Variants in WDFY2 observed in about 807,000 individuals in gnomAD.
WDFY2 encodes the protein WD repeat and FYVE domain-containing protein 2.
A neutral mutation model predicts 56.4 loss-of-function variants in WDFY2; 36 were observed. That is an observed-to-expected ratio of 0.64 (90% CI 0.49 to 0.84). WDFY2 has a LOEUF of 0.84. WDFY2 is among the 40% of genes least tolerant of loss of function. The pLI is 0.00. For missense variants in WDFY2, 444 were observed against 512.2 expected, an observed-to-expected ratio of 0.87 and a Z score of 1.29; for synonymous variants, 176 against 183.7, an observed-to-expected ratio of 0.96 and a Z score of 0.34.
chr13:51,624,307 G>C (rs1954798932), intron 1 of WDFY2, among the ~76,000 whole-genome samples: 1 of 152,110 alleles, frequency 6.6e-6, no homozygotes, highest in South Asian at 2.1e-4. Context: ...CAAGAACTGT[G>C]GTGCTAGCTA....
At chr13:51,755,081 C>T (rs1307987298) in intron 8 of WDFY2, among the ~76,000 whole-genome samples, 1 of 152,174 alleles carries the variant, frequency 6.6e-6, no homozygotes, top group African/African-American at 2.4e-5. Context: ...GCACTCTGTG[C>T]TTCTCCCTCT....
intron 7 of WDFY2, among the ~76,000 whole-genome samples, chr13:51,747,965 CA>C (rs1281750683): frequency 6.6e-6 from 1 of 152,162 alleles, no homozygotes; most frequent in Non-Finnish European, 1.5e-5. Context: ...AAGGCAAAAC[CA>C]GAGTTGTATA....
chr13:51,695,369 G>A (rs1951845872), intron 3 of WDFY2, among the ~76,000 whole-genome samples: 4 of 152,128 alleles, frequency 2.6e-5, no homozygotes, highest in Admixed American at 1.3e-4. Context: ...TGGTGTGGAT[G>A]TCCTTTCTGT....
intron 1 of WDFY2, among the ~76,000 whole-genome samples, chr13:51,651,113 A>G (rs1593934783): frequency 2.0e-5 from 3 of 152,234 alleles, no homozygotes; most frequent in South Asian, 2.1e-4. Flanking sequence ...GTCTATTCAG[A>G]GATTCAACTT....
intron 3 of WDFY2, among the ~76,000 whole-genome samples, chr13:51,680,181 A>G (rs201346141): frequency 1.9e-4 from 29 of 152,304 alleles, no homozygotes; most frequent in East Asian, 7.7e-4. Flanking sequence ...AGCTCACTAC[A>G]GCCTCAAAGA....
At chr13:51,638,087 C>T (rs1238377415) in intron 1 of WDFY2, among the ~76,000 whole-genome samples, 7 of 152,182 alleles carry the variant, frequency 4.6e-5, no homozygotes, top group East Asian at 1.9e-4. Context: ...ATGGGGCCAG[C>T]GTTGGGCAGC....
chr13:51,650,618 C>T (rs551156698), intron 1 of WDFY2, among the ~76,000 whole-genome samples: 7 of 152,278 alleles, frequency 4.6e-5, no homozygotes, highest in African/African-American at 1.7e-4. Context: ...GAGTTTTTAG[C>T]ATGAAGTGCT....
At chr13:51,745,753 A>C (rs1001523939) in intron 7 of WDFY2, among the ~76,000 whole-genome samples, 5 of 148,852 alleles carry the variant, frequency 3.4e-5, no homozygotes, top group South Asian at 4.2e-4. Context: ...AAAAAAAAAA[A>C]AAAAAAAAAA....
chr13:51,661,527 A>T (rs1306677581), intron 2 of WDFY2, among the ~76,000 whole-genome samples: 1 of 152,190 alleles, frequency 6.6e-6, no homozygotes, highest in Non-Finnish European at 1.5e-5. Flanking sequence ...TCTTGATATA[A>T]GTATCCCAGT....
intron 4 of WDFY2, among the ~76,000 whole-genome samples, chr13:51,716,692 C>CA (rs34618973): frequency 0.3 from 16,332 of 54,728 alleles, 2,651 homozygotes; most frequent in African/African-American, 0.44. Context: ...GACTCCGTCT[C>CA]AAAAAAAAAA....
chr13:51,647,545 G>T (rs763721053), intron 1 of WDFY2, among the ~76,000 whole-genome samples: 1 of 152,038 alleles, frequency 6.6e-6, no homozygotes, highest in African/African-American at 2.4e-5. Context: ...ACTTGAGGCC[G>T]GGAGTTCCAT....
chr13:51,704,894 A>G (rs927074950), intron 4 of WDFY2, among the ~76,000 whole-genome samples: 3 of 152,200 alleles, frequency 2.0e-5, no homozygotes, highest in African/African-American at 7.2e-5. Context: ...TGTGGTAGGT[A>G]ACCTTTAAGA....
intron 11 of WDFY2, among the ~76,000 whole-genome samples, chr13:51,758,726 A>G (rs933778756): frequency 2.0e-5 from 3 of 152,166 alleles, no homozygotes; most frequent in Non-Finnish European, 4.4e-5. Flanking sequence ...AAAGACTGTA[A>G]TAGGTCACAT....
At chr13:51,609,086 A>G (rs1011274451) in intron 1 of WDFY2, among the ~76,000 whole-genome samples, 1 of 151,908 alleles carries the variant, frequency 6.6e-6, no homozygotes, top group African/African-American at 2.4e-5. Context: ...TTCCTATTCA[A>G]CTCTTTGCCT....
At chr13:51,640,632 T>G (rs1482419966) in intron 1 of WDFY2, among the ~76,000 whole-genome samples, 5 of 152,128 alleles carry the variant, frequency 3.3e-5, no homozygotes, top group Non-Finnish European at 5.9e-5. Flanking sequence ...GTAGATTACC[T>G]GAGGTCAGGA....
At chr13:51,733,004 G>C (rs1046386562) in intron 6 of WDFY2, among the ~76,000 whole-genome samples, 2 of 152,096 alleles carry the variant, frequency 1.3e-5, no homozygotes, top group African/African-American at 4.8e-5. Flanking sequence ...CTCCTCTTGC[G>C]GATAATTAAA....
At chr13:51,601,178 T>C (rs1954273915) in intron 1 of WDFY2, among the ~76,000 whole-genome samples, 1 of 152,174 alleles carries the variant, frequency 6.6e-6, no homozygotes, top group East Asian at 1.9e-4. Flanking sequence ...AAATTGCATT[T>C]TGTGATATAT....
chr13:51,710,065 A>G (rs1425703652), intron 4 of WDFY2, among the ~76,000 whole-genome samples: 1 of 152,196 alleles, frequency 6.6e-6, no homozygotes, highest in African/African-American at 2.4e-5. Context: ...CGAATCCAGC[A>G]GCATATCAAA....
chr13:51,743,414 A>G (rs947744178), intron 7 of WDFY2, among the ~76,000 whole-genome samples: 4 of 152,208 alleles, frequency 2.6e-5, no homozygotes, highest in Admixed American at 2.6e-4. Context: ...ACAAAATTGG[A>G]AGGAAAAACC....
Sources: allele counts gnomAD v4.1 joint callset (sites outside exome capture counted in the v4.1 genomes callset), GRCh38; gene constraint gnomAD v4.1.1; transcripts MANE v1.5; gene names NCBI Gene and HGNC (gene_info 2026-07-23, HGNC 2026-07-21).